CD47: variants seen among roughly 807,000 people sequenced by gnomAD.
CD47 encodes CD47 molecule.
A neutral mutation model predicts 44.6 loss-of-function variants in CD47; 11 were observed. The ratio of observed to expected loss-of-function variants is 0.25; its 90% CI spans 0.16 to 0.41. The LOEUF is 0.41. Among genes scored for constraint, CD47 ranks in the 10% least tolerant of loss-of-function variants. CD47 has a pLI of 1.00. For synonymous variants in CD47, 140 were observed against 136.3 expected, an observed-to-expected ratio of 1.03 and a Z score of -0.19; for missense variants, 306 against 386.7, an observed-to-expected ratio of 0.79 and a Z score of 1.75.
chr3:108,058,029 T>C (rs2078942348), intron 6 of CD47, among the ~76,000 whole-genome samples: 1 of 152,282 alleles, frequency 6.6e-6, no homozygotes, highest in African/African-American at 2.4e-5. Context: ...CTCTTATTTA[T>C]TGGTGGTGAT....
At chr3:108,077,605 G>A (rs545899067) in intron 2 of CD47, among the ~76,000 whole-genome samples, 1 of 152,214 alleles carries the variant, frequency 6.6e-6, no homozygotes, top group African/African-American at 2.4e-5. Flanking sequence ...ATTGTTCAGA[G>A]CAGTTTCATT....
chr3:108,067,727 GGTAT>G (rs1462998020), intron 3 of CD47, among the ~76,000 whole-genome samples: 1 of 152,196 alleles, frequency 6.6e-6, no homozygotes, highest in Admixed American at 6.5e-5. Context: ...TAAAGGTGAA[GGTAT>G]TTAGGAACAT....
At chr3:108,064,739 A>G (rs1261197005) in intron 3 of CD47, among the ~76,000 whole-genome samples, 1 of 152,206 alleles carries the variant, frequency 6.6e-6, no homozygotes, top group Admixed American at 6.5e-5. Context: ...AAGGCTTACC[A>G]GGCTGATGCG....
At chr3:108,051,912 C>G in intron 8 of CD47, 27 bp downstream of exon 8, 3 of 1,490,882 alleles carry the variant, frequency 2.0e-6, no homozygotes, top group Non-Finnish European at 2.8e-6. Context: ...TGATCATTCA[C>G]AATTCATTTA....
intron 9 of CD47, among the ~76,000 whole-genome samples, 182 bp downstream of exon 9, chr3:108,050,396 G>A (rs1012748136): frequency 3.9e-5 from 6 of 152,220 alleles, no homozygotes; most frequent in South Asian, 4.2e-4. Flanking sequence ...GATCGCAAGC[G>A]TGAGCCACCG....
In CD47 at chr3:108,078,112, C is replaced by T. The variant is rs147902165; in HGVS notation, c.400+1879G>A. ...ACCATTGGGGGGACTGGGTGAAGGGCACATGGAAGCTCTCTATCTTTGAAT... is the reference window on the plus strand; with the variant it reads ...ACCATTGGGGGGACTGGGTGAAGGGTACATGGAAGCTCTCTATCTTTGAAT... On this transcript the variant is annotated intron_variant, in intron 2 of 10. Coordinates refer to ENST00000361309, the MANE Select transcript of CD47 (RefSeq NM_001777.4). 1.7e-3 allele frequency among the ~76,000 whole-genome samples: 261 copies of T among 152,096 alleles called. 2 individuals are homozygous for T. The highest frequency in any genetic ancestry group is 0.014 in the Admixed American group (217 of 15,264).
intron 7 of CD47, among the ~76,000 whole-genome samples, chr3:108,057,069 G>GAAACA (rs1353329692): frequency 6.6e-6 from 1 of 152,162 alleles, no homozygotes; most frequent in African/African-American, 2.4e-5. Context: ...GTGCAGGACA[G>GAAACA]CTCTATCACA....
chr3:108,075,015 T>C (rs1198367866), intron 2 of CD47, among the ~76,000 whole-genome samples: 1 of 152,234 alleles, frequency 6.6e-6, no homozygotes, highest in Non-Finnish European at 1.5e-5. Flanking sequence ...GAGTGAGACA[T>C]GATACTTCTT....
At chr3:108,058,630 T>G (rs779527177) in intron 5 of CD47, among the ~76,000 whole-genome samples, 2 of 152,212 alleles carry the variant, frequency 1.3e-5, no homozygotes, top group South Asian at 2.1e-4. Context: ...TCGGCAGCCT[T>G]TAATTTTCAC....
intron 3 of CD47, among the ~76,000 whole-genome samples, chr3:108,062,231 T>C (rs1053816554): frequency 6.6e-6 from 1 of 152,246 alleles, no homozygotes; most frequent in African/African-American, 2.4e-5. Context: ...CCTGGACTTA[T>C]GTGTCTAATA....
In CD47 at chr3:108,048,545, C is replaced by T. The variant is rs936357378; in HGVS notation, c.967+1074G>A. Reference sequence around the variant, plus strand: ...GACCACAGGTGCCCGCCACCATGCCCGGCTAATTTTTTGTAGTTTTAGTAG... The same window carrying T: ...GACCACAGGTGCCCGCCACCATGCCTGGCTAATTTTTTGTAGTTTTAGTAG... On this transcript the variant is annotated intron_variant, in intron 10 of 10. Coordinates refer to ENST00000361309, the MANE Select transcript of CD47 (RefSeq NM_001777.4). 2.6e-5 allele frequency among the ~76,000 whole-genome samples: 4 copies of T among 151,880 alleles called. No homozygotes were observed. The East Asian group carries it at 5.8e-4, about 22-fold the overall frequency.
At position 108,080,180 on chromosome 3, in the gene CD47, C is replaced by T. The variant is rs1278168735; in HGVS notation, c.211G>A (p.Ala71Thr). Residue 71 changes from alanine to threonine, a missense_variant, in exon 2 of 11, where the codon GCT becomes ACT. Ala to Thr is a moderately conservative substitution (Grantham distance 58, BLOSUM62 0). Around this residue, in one of 5 missense-constraint regions of CD47, gnomAD observed 25 missense variants for 52.7 expected, o/e 0.47. Coordinates refer to ENST00000361309, the MANE Select transcript of CD47 (RefSeq NM_001777.4). Reference sequence around the variant, plus strand: ...GTGGGGACAGTGGACTTGTTTAGAGCTCCATCAAAGGTGTAAATATCTCTT... The same window carrying T: ...GTGGGGACAGTGGACTTGTTTAGAGTTCCATCAAAGGTGTAAATATCTCTT... The part of the protein sequence containing the change: ...KGRDIYTFDG[A>T]LNKSTVPTDF... 3.1e-6 allele frequency: 5 copies of T among 1,613,086 alleles called. No homozygotes were observed. The highest frequency in any genetic ancestry group is 4.2e-6 in the Non-Finnish European group (5 of 1,179,234).
At chr3:108,068,360 C>T (rs1199929862) in intron 3 of CD47, among the ~76,000 whole-genome samples, 1 of 152,132 alleles carries the variant, frequency 6.6e-6, no homozygotes, top group Non-Finnish European at 1.5e-5. Flanking sequence ...GGGCAATATG[C>T]ACATCACACC....
chr3:108,058,506 T>G, intron 5 of CD47, 77 bp from the exon 6 acceptor site: 62 of 947,514 alleles, frequency 6.5e-5, no homozygotes, highest in Non-Finnish European at 9.3e-5. Flanking sequence ...GCATTTGGTA[T>G]AATCAGGGAT....
At chr3:108,062,543 C>T (rs573071817) in intron 3 of CD47, among the ~76,000 whole-genome samples, 2 of 152,134 alleles carry the variant, frequency 1.3e-5, no homozygotes, top group Admixed American at 1.3e-4. Flanking sequence ...CATAAAAAAG[C>T]TACTAAGATC....
At position 108,074,407 on chromosome 3, in the gene CD47, G is replaced by A. The variant is rs180805780; in HGVS notation, c.401-3225C>T. Among the ~76,000 whole-genome samples, 465 of 152,020 alleles carry A rather than the reference G, an allele frequency of 3.1e-3. 7 individuals carry two copies. Among genetic ancestry groups the A allele is most frequent in the African/African-American group, 0.01 (434 of 41,496 alleles). On this transcript the variant is annotated intron_variant, in intron 2 of 10. Coordinates refer to ENST00000361309, the MANE Select transcript of CD47 (RefSeq NM_001777.4). ...CAGCTCACTGCAACCTCCACCTCCC[G>A]GGTTCAAGCAATTCTCCTGTCTCAG...
intron 7 of CD47, among the ~76,000 whole-genome samples, chr3:108,055,277 C>T (rs1327909559): frequency 6.6e-6 from 1 of 152,110 alleles, no homozygotes; most frequent in Non-Finnish European, 1.5e-5. Context: ...GGATTTTTAA[C>T]TATTTGAGGA....
chr3:108,079,802 C>A (rs1408765147), intron 2 of CD47, among the ~76,000 whole-genome samples, 189 bp downstream of exon 2: 1 of 151,742 alleles, frequency 6.6e-6, no homozygotes, highest in African/African-American at 2.4e-5. Context: ...ATGTGTTTTA[C>A]CATGAAGAGT....
chr3:108,049,496 G>A (rs2078784825), intron 10 of CD47, 123 bp downstream of exon 10: 2 of 706,682 alleles, frequency 2.8e-6, no homozygotes, highest in Non-Finnish European at 5.1e-6. Context: ...CAAGAAATGT[G>A]AACCTTTATC....
Sources: allele counts gnomAD v4.1 joint callset (sites outside exome capture counted in the v4.1 genomes callset), GRCh38; gene constraint gnomAD v4.1.1; regional missense constraint gnomAD v4.1.1; transcripts MANE v1.5; gene names NCBI Gene and HGNC (gene_info 2026-07-23, HGNC 2026-07-21).